Variants in MYOM2 observed in about 807,000 individuals in gnomAD.
MYOM2 encodes myomesin 2.
MYOM2 carries 254 observed loss-of-function variants against 187.6 expected under a neutral mutation model. The ratio of observed to expected loss-of-function variants is 1.35; its 90% CI spans 1.22 to 1.50. The LOEUF (loss-of-function observed/expected upper bound fraction) is 1.50, where lower values mean the gene tolerates loss of function less well. MYOM2 is among the 40% of genes most tolerant of loss of function. The pLI is 0.00. For synonymous variants in MYOM2, 981 were observed against 753.8 expected (o/e 1.30, Z -4.94); for missense variants, 2,796 against 1,924.0 (o/e 1.45, Z -8.48).
At chr8:2,076,120 C>T (rs1216422312) in intron 10 of MYOM2, 21 bp from the exon 11 acceptor site, 23 of 1,605,164 alleles carry the variant, frequency 1.4e-5, no homozygotes, top group Non-Finnish European at 1.9e-5. Flanking sequence ...AGGCGTGTGC[C>T]TTTTCTCTCC....
intron 32 of MYOM2, among the ~76,000 whole-genome samples, chr8:2,135,056 G>A (rs1462613120): frequency 6.6e-6 from 1 of 152,136 alleles, no homozygotes; most frequent in Non-Finnish European, 1.5e-5. Flanking sequence ...TTGGATCCCA[G>A]CCCAACTCCA....
At chr8:2,127,171 T>A (rs1200929011) in intron 31 of MYOM2, among the ~76,000 whole-genome samples, 2 of 151,956 alleles carry the variant, frequency 1.3e-5, no homozygotes, top group Non-Finnish European at 2.9e-5. Flanking sequence ...GGCTCTGCAG[T>A]GTGTTGACTT....
At chr8:2,117,982 A>G in intron 28 of MYOM2, 30 bp downstream of exon 28, 1 of 1,596,000 alleles carries the variant, frequency 6.3e-7, no homozygotes, top group Non-Finnish European at 8.6e-7. Context: ...CAGGAAAACA[A>G]TAAATCTCAT....
rs3736654 is a variant in MYOM2 at position 2,140,765 on chromosome 8, G to C, written c.3843G>C (p.Gly1281=). The change falls in exon 33 of 37, where the codon GGG becomes GGC. Residue 1281 remains glycine (G), a synonymous_variant. Transcript: ENST00000262113. ...CCAGTGAGCATATGAGAATCGGGGGGAGTGAAGAGATGGCTTGGCTGCAGA... is the reference window on the plus strand; with the variant it reads ...CCAGTGAGCATATGAGAATCGGGGGCAGTGAAGAGATGGCTTGGCTGCAGA... ...ISSSEHMRIG[G]SEEMAWLQIC... 3.1e-6 allele frequency: 5 copies of C among 1,613,928 alleles called. No homozygotes were observed. Among genetic ancestry groups the C allele is most frequent in the Non-Finnish European group, 4.2e-6 (5 of 1,180,008 alleles).
intron 1 of MYOM2, among the ~76,000 whole-genome samples, chr8:2,049,657 C>A (rs1325717977): frequency 2.0e-5 from 3 of 152,148 alleles, no homozygotes; most frequent in Non-Finnish European, 4.4e-5. Context: ...GTCATTTAAA[C>A]AGAAAAGTAA....
intron 3 of MYOM2, among the ~76,000 whole-genome samples, chr8:2,055,979 C>T (rs1384480987): frequency 3.3e-5 from 5 of 152,202 alleles, no homozygotes; most frequent in Admixed American, 1.3e-4. Context: ...CCTTCCCAGG[C>T]CGTCTGTGCA....
intron 10 of MYOM2, among the ~76,000 whole-genome samples, chr8:2,074,185 C>T (rs186567605): frequency 6.6e-6 from 1 of 152,164 alleles, no homozygotes; most frequent in Non-Finnish European, 1.5e-5. Context: ...TGTATACAGC[C>T]TATAGGTGTG....
intron 32 of MYOM2, among the ~76,000 whole-genome samples, chr8:2,129,729 A>G (rs2116882107): frequency 6.6e-6 from 1 of 152,330 alleles, no homozygotes; most frequent in African/African-American, 2.4e-5. Context: ...GGTACGGATC[A>G]CTGAGAAAAC....
chr8:2,093,528 T>C (rs1796378683), intron 16 of MYOM2, among the ~76,000 whole-genome samples: 1 of 152,192 alleles, frequency 6.6e-6, no homozygotes, highest in South Asian at 2.1e-4. Context: ...TTAAGGAGGT[T>C]GATTAAGACC....
At chr8:2,125,776 T>G (rs998137759) in intron 31 of MYOM2, among the ~76,000 whole-genome samples, 19 of 151,724 alleles carry the variant, frequency 1.3e-4, no homozygotes, top group African/African-American at 4.4e-4. Flanking sequence ...CCCAGCTAAT[T>G]TTTTTGCATT....
intron 12 of MYOM2, 39 bp from the exon 13 acceptor site, chr8:2,079,521 T>G (rs1819548217): frequency 1.2e-6 from 2 of 1,609,594 alleles, no homozygotes; most frequent in African/African-American, 1.3e-5. Context: ...TGGGGAAAAC[T>G]TCGCATGTCA....
At chr8:2,055,417 G>T (rs1030644118) in intron 3 of MYOM2, among the ~76,000 whole-genome samples, 2 of 152,152 alleles carry the variant, frequency 1.3e-5, no homozygotes, top group Non-Finnish European at 2.9e-5. Flanking sequence ...ATTAGAGGTT[G>T]GGAGGAATCT....
intron 14 of MYOM2, among the ~76,000 whole-genome samples, chr8:2,086,384 GCCTCC>G (rs1796053157): frequency 2.5e-5 from 3 of 118,406 alleles, no homozygotes; most frequent in African/African-American, 1.3e-4. Flanking sequence ...TCTCTGCGTG[GCCTCC>G]CACTGTTGTG....
chr8:2,096,142 C>T (rs79549508), intron 17 of MYOM2, 105 bp from the exon 18 acceptor site: 85,989 of 1,084,274 alleles, frequency 0.079, 3,695 homozygotes, highest in Middle Eastern at 0.093. Flanking sequence ...TCAGGCCCGT[C>T]TCCACGTTGC....
chr8:2,122,117 C>T (rs1404935758), intron 28 of MYOM2, among the ~76,000 whole-genome samples: 1 of 152,142 alleles, frequency 6.6e-6, no homozygotes, highest in Non-Finnish European at 1.5e-5. Context: ...GAAGAGAAAA[C>T]AGTATTGACT....
At chr8:2,066,054 G>A (rs968677839) in intron 6 of MYOM2, among the ~76,000 whole-genome samples, 2 of 152,216 alleles carry the variant, frequency 1.3e-5, no homozygotes, top group African/African-American at 4.8e-5. Context: ...CCCGCTCCTC[G>A]AGTACAAGGG....
chr8:2,090,243 G>A, intron 15 of MYOM2, 52 bp downstream of exon 15: 3 of 1,534,950 alleles, frequency 2.0e-6, no homozygotes, highest in Non-Finnish European at 2.7e-6. Context: ...AGAGTGGGGT[G>A]ACACCAAATA....
intron 13 of MYOM2, among the ~76,000 whole-genome samples, chr8:2,082,610 C>T (rs1819667509): frequency 6.6e-6 from 1 of 152,218 alleles, no homozygotes; most frequent in Admixed American, 6.5e-5. Context: ...ATCAACCCAA[C>T]TTGCCCAGTA....
At chr8:2,095,729 G>A (rs151173984) in intron 17 of MYOM2, among the ~76,000 whole-genome samples, 10 of 152,260 alleles carry the variant, frequency 6.6e-5, no homozygotes, top group East Asian at 5.8e-4. Flanking sequence ...AGGAGAAGGC[G>A]GTCCGTTTCA....
Sources: allele counts gnomAD v4.1 joint callset (sites outside exome capture counted in the v4.1 genomes callset), GRCh38; gene constraint gnomAD v4.1.1; transcripts MANE v1.5; gene names NCBI Gene and HGNC (gene_info 2026-07-23, HGNC 2026-07-21).